The following GLRA3 variants were observed in gnomAD, a reference collection of about 807,000 sequenced individuals.
GLRA3 encodes the protein glycine receptor subunit alpha-3.
GLRA3 carries 44 observed loss-of-function variants against 60.4 expected under a neutral mutation model. The observed-to-expected ratio is 0.73, with a 90% CI of 0.57 to 0.94. The LOEUF is 0.94. Ranked by LOEUF, GLRA3 falls within the 40% of genes least tolerant of loss-of-function variation. The pLI, the probability that GLRA3 is intolerant of heterozygous loss-of-function variation, is 0.00. For missense variants in GLRA3, 508 were observed against 564.6 expected, an observed-to-expected ratio of 0.90 and a Z score of 1.02; for synonymous variants, 223 against 192.9, an observed-to-expected ratio of 1.16 and a Z score of -1.29.
At chr4:174,661,485 T>C (rs527778465) in intron 7 of GLRA3, among the ~76,000 whole-genome samples, 2 of 152,322 alleles carry the variant, frequency 1.3e-5, no homozygotes, top group Admixed American at 6.5e-5. Flanking sequence ...ACTGTGATCA[T>C]TCACCTCATT....
chr4:174,690,662 T>A lies in GLRA3; in HGVS notation c.575-7723A>T, dbSNP rs562235378. Among the ~76,000 whole-genome samples, 5 of 152,240 alleles carry A rather than the reference T, an allele frequency of 3.3e-5. No homozygotes were observed. In the East Asian group the frequency reaches 9.7e-4, roughly 29 times the overall value. On this transcript the variant is annotated intron_variant, in intron 5 of 9. Coordinates refer to ENST00000274093, the MANE Select transcript of GLRA3 (RefSeq NM_006529.4). ...TTTCTGGGCCTCTCCCTTCTCTTCCTCTCCCACCTCAAGTAGATGCCAGTG... is the reference window on the plus strand; with the variant it reads ...TTTCTGGGCCTCTCCCTTCTCTTCCACTCCCACCTCAAGTAGATGCCAGTG...
chr4:174,706,107 G>A (rs1579479246), intron 5 of GLRA3, among the ~76,000 whole-genome samples: 1 of 152,058 alleles, frequency 6.6e-6, no homozygotes, highest in East Asian at 1.9e-4. Flanking sequence ...GCGGGCACCT[G>A]TAGTCCCAGC....
chr4:174,710,790 T>G (rs1478866549), intron 5 of GLRA3, among the ~76,000 whole-genome samples: 1 of 152,106 alleles, frequency 6.6e-6, no homozygotes, highest in Non-Finnish European at 1.5e-5. Context: ...AACCTAATTT[T>G]TTTTTCTTTA....
intron 2 of GLRA3, among the ~76,000 whole-genome samples, chr4:174,769,633 C>T (rs1738302601): frequency 6.6e-6 from 1 of 152,002 alleles, no homozygotes; most frequent in Non-Finnish European, 1.5e-5. Context: ...TCTATGACCT[C>T]CCAATCATGC....
chr4:174,817,354 C>T (rs1357236763), intron 1 of GLRA3, among the ~76,000 whole-genome samples: 1 of 152,192 alleles, frequency 6.6e-6, no homozygotes, highest in South Asian at 2.1e-4. Flanking sequence ...ACCTCCATTC[C>T]AGCCTTGAGC....
intron 3 of GLRA3, among the ~76,000 whole-genome samples, chr4:174,748,873 G>A (rs1223757532): frequency 6.7e-6 from 1 of 149,632 alleles, no homozygotes; most frequent in Non-Finnish European, 1.5e-5. Context: ...AAGATAGAAA[G>A]ATATTAAAGC....
intron 4 of GLRA3, among the ~76,000 whole-genome samples, chr4:174,717,593 CTGAATT>C (rs1238219083): frequency 6.6e-6 from 1 of 152,086 alleles, no homozygotes; most frequent in Admixed American, 6.5e-5. Flanking sequence ...AGTGAAGCTG[CTGAATT>C]TTAAGAGTCT....
intron 6 of GLRA3, among the ~76,000 whole-genome samples, chr4:174,678,988 C>T (rs1734233239): frequency 6.6e-6 from 1 of 152,036 alleles, no homozygotes; most frequent in Admixed American, 6.6e-5. Context: ...AAAATAAGCT[C>T]CACTGTGTTT....
At chr4:174,802,844 A>G (rs6825046) in intron 1 of GLRA3, among the ~76,000 whole-genome samples, 27,238 of 152,090 alleles carry the variant, frequency 0.18, 2,763 homozygotes, top group African/African-American at 0.27. Flanking sequence ...AAATGCTGTC[A>G]GTATCTTTTT....
At chr4:174,801,517 G>T (rs1047019072) in intron 1 of GLRA3, among the ~76,000 whole-genome samples, 4 of 152,060 alleles carry the variant, frequency 2.6e-5, no homozygotes, top group Middle Eastern at 3.4e-3. Flanking sequence ...TTTCAAACTT[G>T]GTTAATAGCA....
chr4:174,658,086 C>T (rs1221671821), intron 8 of GLRA3, among the ~76,000 whole-genome samples: 1 of 152,014 alleles, frequency 6.6e-6, no homozygotes, highest in African/African-American at 2.4e-5. Flanking sequence ...TATAAAGAAA[C>T]CTTAAAAAAT....
chr4:174,767,059 GT>G, intron 2 of GLRA3, 29 bp from the exon 3 acceptor site: 3 of 1,221,412 alleles, frequency 2.5e-6, no homozygotes, highest in Non-Finnish European at 3.6e-6. Context: ...CATAAGGGCT[GT>G]TTAGAGACTT....
chr4:174,772,461 A>G (rs958687515), intron 2 of GLRA3, among the ~76,000 whole-genome samples: 2 of 152,136 alleles, frequency 1.3e-5, no homozygotes, highest in African/African-American at 2.4e-5. Context: ...CCATTTGACT[A>G]TTTACTTGTG....
At chr4:174,742,497 G>C (rs2111172779) in intron 3 of GLRA3, among the ~76,000 whole-genome samples, 2 of 152,210 alleles carry the variant, frequency 1.3e-5, no homozygotes, top group South Asian at 4.1e-4. Context: ...GTTGCATTCT[G>C]AATCAAATAG....
intron 5 of GLRA3, among the ~76,000 whole-genome samples, chr4:174,691,761 G>A (rs1365332447): frequency 6.6e-6 from 1 of 152,146 alleles, no homozygotes; most frequent in Non-Finnish European, 1.5e-5. Context: ...CCTCCCAGCT[G>A]CCTGCCTTGG....
intron 7 of GLRA3, among the ~76,000 whole-genome samples, chr4:174,662,964 G>A (rs1461417012): frequency 1.3e-5 from 2 of 151,890 alleles, no homozygotes; most frequent in African/African-American, 4.8e-5. Flanking sequence ...ATAAATGAAG[G>A]CATTAAATGG....
chr4:174,806,712 A>G (rs1740065828), intron 1 of GLRA3, among the ~76,000 whole-genome samples: 1 of 152,030 alleles, frequency 6.6e-6, no homozygotes, highest in South Asian at 2.1e-4. Flanking sequence ...TTTATTTTAT[A>G]TAAGGGATTT....
rs1298376066 is a variant in GLRA3, at chr4:174,657,764, C to T, written c.1072-977G>A. 2.6e-5 allele frequency among the ~76,000 whole-genome samples: 4 copies of T among 152,158 alleles called. No individual in the cohort carries two copies. The East Asian group carries it at 7.7e-4, about 29-fold the overall frequency. On this transcript the variant is annotated intron_variant, in intron 8 of 9. Transcript: ENST00000274093. ...GAGGGAAGAAGATAAAGTTAATCTC[C>T]CCATCACAATATGTTTCAGTGTACA...
intron 9 of GLRA3, among the ~76,000 whole-genome samples, chr4:174,644,776 T>C (rs1052882590): frequency 6.6e-6 from 1 of 152,150 alleles, no homozygotes; most frequent in African/African-American, 2.4e-5. Flanking sequence ...ACTATGTTCT[T>C]CTAAAAAGTA....
Sources: gnomAD v4.1 joint callset for allele counts (sites outside exome capture counted in the v4.1 genomes callset) on GRCh38, gnomAD v4.1.1 for gene constraint, MANE v1.5 for transcripts, NCBI Gene and HGNC (gene_info 2026-07-23, HGNC 2026-07-21) for gene names.